BMPR2: variants seen among roughly 807,000 people sequenced by gnomAD.
The protein encoded by BMPR2 is bone morphogenetic protein receptor type 2.
BMPR2 carries 29 observed loss-of-function variants against 100.8 expected under a neutral mutation model. The ratio of observed to expected loss-of-function variants is 0.29; its 90% CI spans 0.21 to 0.39. BMPR2 has a LOEUF of 0.39. Among genes scored for constraint, BMPR2 ranks in the 10% least tolerant of loss-of-function variants. The pLI is 1.00. For missense variants in BMPR2, 1,011 were observed against 1,274.5 expected, an observed-to-expected ratio of 0.79 and a Z score of 3.15; for synonymous variants, 382 against 442.3, an observed-to-expected ratio of 0.86 and a Z score of 1.71.
chr2:202,538,541 C>G (rs1054430243), intron 9 of BMPR2, among the ~76,000 whole-genome samples: 7 of 151,220 alleles, frequency 4.6e-5, no homozygotes, highest in African/African-American at 1.7e-4. Flanking sequence ...CCTGTAATCC[C>G]AGCACTTTGG....
chr2:202,557,955 G>A (rs1688610429), intron 12 of BMPR2, among the ~76,000 whole-genome samples: 1 of 152,072 alleles, frequency 6.6e-6, no homozygotes, highest in African/African-American at 2.4e-5. Context: ...GATTATGTCT[G>A]CATTTAGGTT....
At chr2:202,510,982 G>GTTT (rs370738313) in intron 3 of BMPR2, among the ~76,000 whole-genome samples, 4 of 132,000 alleles carry the variant, frequency 3.0e-5, no homozygotes, top group Admixed American at 7.6e-5. Context: ...CCTGGCTTTA[G>GTTT]TTTTTTTTTT....
chr2:202,523,035 G>A (rs1687846640), intron 7 of BMPR2, among the ~76,000 whole-genome samples: 1 of 152,020 alleles, frequency 6.6e-6, no homozygotes, highest in Non-Finnish European at 1.5e-5. Flanking sequence ...AATTGAACAA[G>A]CAAAAAACAA....
intron 1 of BMPR2, among the ~76,000 whole-genome samples, chr2:202,431,768 G>T (rs929878212): frequency 6.6e-6 from 1 of 150,412 alleles, no homozygotes; most frequent in African/African-American, 2.5e-5. Context: ...GTTTGTGTAA[G>T]AACACTCTAT....
At chr2:202,428,813 C>A (rs1691444496) in intron 1 of BMPR2, among the ~76,000 whole-genome samples, 1 of 152,178 alleles carries the variant, frequency 6.6e-6, no homozygotes, top group Non-Finnish European at 1.5e-5. Context: ...CTTTATATCT[C>A]TTGATATCTT....
rs749523973 is a variant in BMPR2, at chr2:202,530,922, C to T, written c.1096C>T (p.Pro366Ser). Residue 366 changes from proline to serine, a missense_variant, in exon 8 of 13, where the codon CCA (proline) becomes TCA (serine). Around this residue, in one of 6 missense-constraint regions of BMPR2, gnomAD observed 355 missense variants for 455.3 expected, o/e 0.78. Transcript: ENST00000374580. ...MRLTGNRLVR[P>S]GEEDNAAISE... ...GCTGACTGGAAATAGACTGGTGCGC[C>T]CAGGGGAGGAAGATAATGCAGCCAT... The T allele has an allele frequency of 6.2e-7, 1 of 1,613,934 alleles. No homozygotes were observed. The highest frequency in any genetic ancestry group is 8.5e-7 in the Non-Finnish European group (1 of 1,179,994).
At chr2:202,450,519 C>G (rs1165983245) in intron 1 of BMPR2, among the ~76,000 whole-genome samples, 1 of 151,874 alleles carries the variant, frequency 6.6e-6, no homozygotes, top group Non-Finnish European at 1.5e-5. Flanking sequence ...TGGAGAAACC[C>G]TGTCTCTACT....
At chr2:202,482,528 C>T (rs1692679569) in intron 3 of BMPR2, among the ~76,000 whole-genome samples, 3 of 151,616 alleles carry the variant, frequency 2.0e-5, no homozygotes, top group Admixed American at 2.0e-4. Flanking sequence ...CACATGACCC[C>T]ATGCCTGTCT....
At chr2:202,459,527 C>G (rs529192747) in intron 1 of BMPR2, among the ~76,000 whole-genome samples, 2 of 152,230 alleles carry the variant, frequency 1.3e-5, no homozygotes, top group South Asian at 4.2e-4. Context: ...GTGTGGGGTT[C>G]CCCTCTATGT....
At chr2:202,552,919 A>G in intron 11 of BMPR2, 31 bp downstream of exon 11, 1 of 1,613,370 alleles carries the variant, frequency 6.2e-7, no homozygotes, top group Non-Finnish European at 8.5e-7. Context: ...GCATCTATCA[A>G]TCAGTATTAG....
rs539752342 is a variant in BMPR2, at chr2:202,462,570, G to A, written c.77-2239G>A. 1.1e-4 allele frequency among the ~76,000 whole-genome samples: 16 copies of A among 151,364 alleles called. 1 individual carries two copies. Among genetic ancestry groups the A allele is most frequent in the Admixed American group, 4.6e-4 (7 of 15,168 alleles). On this transcript the variant is annotated intron_variant, in intron 1 of 12. Coordinates refer to ENST00000374580, the MANE Select transcript of BMPR2 (RefSeq NM_001204.7). Reference sequence around the variant, plus strand: ...TGTACTCAGGGTGTTAATAGAGCACGTTAATTGATTTTTTGAATATTGAAC... The same window carrying A: ...TGTACTCAGGGTGTTAATAGAGCACATTAATTGATTTTTTGAATATTGAAC...
Position 202,377,420 on chromosome 2 carries a change from G to C in BMPR2, c.-55G>C, listed in dbSNP as rs1175721667. The C allele has an allele frequency of 2.6e-6, 4 of 1,563,072 alleles. No individual in the cohort carries two copies. Among genetic ancestry groups the C allele is most frequent in the Admixed American group, 1.7e-5 (1 of 59,942 alleles). ...CGAGCCTCCCGGCTGTTTCTCCGCC[G>C]GTCTACTTCCCATATTTCTTTTCTT... On this transcript the variant is annotated 5_prime_UTR_variant, in exon 1 of 13. Transcript: ENST00000374580.
Position 202,416,427 on chromosome 2 carries a change from AT to A in BMPR2, c.76+38894del, listed in dbSNP as rs57196325. ...AGGTGTGCACTACCACACCTGGATA[AT>A]TTTTTTTTTTTTTTTTGAGATGGAG... On this transcript the variant is annotated intron_variant, in intron 1 of 12. Transcript: ENST00000374580. 2.4e-3 allele frequency among the ~76,000 whole-genome samples: 332 copies of A among 136,896 alleles called. 1 individual carries two copies. The highest frequency in any genetic ancestry group is 3.6e-3 in the Middle Eastern group (1 of 276). 89.8% of individuals were successfully genotyped at this position (136,896 alleles called of 152,430 possible).
At chr2:202,501,543 CA>C (rs1427823374) in intron 3 of BMPR2, among the ~76,000 whole-genome samples, 22 of 152,216 alleles carry the variant, frequency 1.4e-4, no homozygotes, top group Admixed American at 1.1e-3. Flanking sequence ...GGGACAATCC[CA>C]CAACCAGTGG....
rs1359200084 is a variant in BMPR2 at position 202,532,649 on chromosome 2, A to C, written c.1193A>C (p.Glu398Ala). The part of the protein sequence containing the change: ...LEGAVNLRDC[E>A]SALKQVDMYA... ...GGAGCTGTGAACTTGAGGGACTGTG[A>C]ATCAGCTTTGAAACAAGTAGACATG... is the stretch of plus-strand genomic sequence containing the variant. The change falls in exon 9 of 13, where the codon GAA becomes GCA. Residue 398 changes from glutamate (E) to alanine (A), a missense_variant. Physicochemically the swap from Glu to Ala is moderately radical, Grantham distance 107. Around this residue, in one of 6 missense-constraint regions of BMPR2, gnomAD observed 83 missense variants for 140.7 expected, o/e 0.59. Coordinates refer to ENST00000374580, the MANE Select transcript of BMPR2 (RefSeq NM_001204.7). This position sits in a 1 kb window ranked among gnomAD's most constrained non-coding sequence, Gnocchi z 4.1. 9.3e-6 allele frequency: 15 copies of C among 1,613,810 alleles called. No individual in the cohort carries two copies. Among genetic ancestry groups the C allele is most frequent in the Non-Finnish European group, 1.3e-5 (15 of 1,179,906 alleles).
At chr2:202,550,359 C>A (rs1176127978) in intron 10 of BMPR2, among the ~76,000 whole-genome samples, 1 of 133,342 alleles carries the variant, frequency 7.5e-6, no homozygotes, top group African/African-American at 2.9e-5. Context: ...GGCGACAGAG[C>A]GAGACTCCTA....
At chr2:202,389,526 C>CAA (rs781745252) in intron 1 of BMPR2, among the ~76,000 whole-genome samples, 35 of 56,480 alleles carry the variant, frequency 6.2e-4, no homozygotes, top group East Asian at 2.3e-3. Context: ...GATTCCATCT[C>CAA]AAAAAAAAAA....
At chr2:202,399,447 T>C (rs1055249054) in intron 1 of BMPR2, among the ~76,000 whole-genome samples, 2 of 152,128 alleles carry the variant, frequency 1.3e-5, no homozygotes, top group African/African-American at 4.8e-5. Flanking sequence ...GGAAGAGAGA[T>C]GCACAACAAG....
chr2:202,477,934 G>A (rs1272570546), intron 3 of BMPR2, among the ~76,000 whole-genome samples: 36 of 152,088 alleles, frequency 2.4e-4, no homozygotes, highest in Admixed American at 1.6e-3. Context: ...CCTGAATTCC[G>A]TTTTGCCCCC....
Sources: gnomAD v4.1 joint callset for allele counts (sites outside exome capture counted in the v4.1 genomes callset) on GRCh38, gnomAD v4.1.1 for gene constraint, gnomAD v4.1.1 regional missense constraint, Gnocchi (gnomAD v3.1) non-coding constraint, MANE v1.5 for transcripts, NCBI Gene and HGNC (gene_info 2026-07-23, HGNC 2026-07-21) for gene names.